NKAIN2: variants seen among roughly 807,000 people sequenced by gnomAD.
NKAIN2 encodes sodium/potassium transporting ATPase interacting 2.
A neutral mutation model predicts 32.6 loss-of-function variants in NKAIN2; 14 were observed. That is an observed-to-expected ratio of 0.43 (90% CI 0.28 to 0.67). The LOEUF is 0.67. Among genes scored for constraint, NKAIN2 ranks in the 30% least tolerant of loss-of-function variants. The pLI, the probability that NKAIN2 is intolerant of heterozygous loss-of-function variation, is 0.17. For synonymous variants in NKAIN2, 80 were observed against 87.2 expected, an observed-to-expected ratio of 0.92 and a Z score of 0.46; for missense variants, 198 against 258.3, an observed-to-expected ratio of 0.77 and a Z score of 1.60.
chr6:124,725,675 C>T (rs1425284603), intron 4 of NKAIN2, among the ~76,000 whole-genome samples: 1 of 152,138 alleles, frequency 6.6e-6, no homozygotes, highest in East Asian at 1.9e-4. Context: ...CGATATTCCA[C>T]ATAAAAATGA....
intron 1 of NKAIN2, among the ~76,000 whole-genome samples, chr6:124,113,115 C>A (rs1037259775): frequency 6.6e-6 from 1 of 152,034 alleles, no homozygotes; most frequent in South Asian, 2.1e-4. Context: ...GCACATTAGA[C>A]AAAGCAGACA....
intron 4 of NKAIN2, among the ~76,000 whole-genome samples, chr6:124,713,933 C>A (rs1169882254): frequency 6.6e-6 from 1 of 152,174 alleles, no homozygotes; most frequent in East Asian, 1.9e-4. Context: ...TAGTTTTTAT[C>A]TCCAAGAAGT....
intron 1 of NKAIN2, among the ~76,000 whole-genome samples, chr6:123,893,974 T>G (rs1451804915): frequency 6.6e-6 from 1 of 152,216 alleles, no homozygotes; most frequent in East Asian, 1.9e-4. Flanking sequence ...GAATTTAGGT[T>G]CATTTATCTT....
intron 1 of NKAIN2, among the ~76,000 whole-genome samples, chr6:124,225,398 T>C (rs1792052804): frequency 6.6e-6 from 1 of 152,050 alleles, no homozygotes. Flanking sequence ...AATGCTTCTT[T>C]CCTACTTGAC....
At chr6:124,525,412 G>A (rs368431254) in intron 3 of NKAIN2, among the ~76,000 whole-genome samples, 2 of 152,146 alleles carry the variant, frequency 1.3e-5, no homozygotes, top group South Asian at 2.1e-4. Flanking sequence ...TTCATGTAAC[G>A]TAATGAAGAC....
intron 4 of NKAIN2, among the ~76,000 whole-genome samples, chr6:124,726,184 C>T (rs924760116): frequency 5.3e-5 from 8 of 152,234 alleles, no homozygotes; most frequent in South Asian, 2.1e-4. Flanking sequence ...AGCCAGAAAG[C>T]TCCAACTGGG....
intron 1 of NKAIN2, among the ~76,000 whole-genome samples, chr6:123,909,441 C>T (rs2114447230): frequency 6.6e-6 from 1 of 152,330 alleles, no homozygotes; most frequent in East Asian, 1.9e-4. Context: ...CAAGGCTCTA[C>T]ACCATCAGTC....
intron 1 of NKAIN2, among the ~76,000 whole-genome samples, chr6:123,934,234 T>C (rs1229914648): frequency 6.6e-6 from 1 of 152,206 alleles, no homozygotes; most frequent in African/African-American, 2.4e-5. Context: ...CTGTCTACTT[T>C]GAGCCCTTGC....
At chr6:124,217,245 G>T (rs753856674) in intron 1 of NKAIN2, among the ~76,000 whole-genome samples, 1 of 152,094 alleles carries the variant, frequency 6.6e-6, no homozygotes, top group African/African-American at 2.4e-5. Flanking sequence ...AGTGAGGTAG[G>T]AAAGTGTTGC....
intron 3 of NKAIN2, among the ~76,000 whole-genome samples, chr6:124,361,289 A>G (rs1007462723): frequency 3.9e-5 from 6 of 152,080 alleles, no homozygotes; most frequent in Non-Finnish European, 8.8e-5. Flanking sequence ...ATTGCATGTG[A>G]TAAAATTATA....
At chr6:124,185,413 C>T (rs1409798290) in intron 1 of NKAIN2, among the ~76,000 whole-genome samples, 1 of 152,122 alleles carries the variant, frequency 6.6e-6, no homozygotes, top group Non-Finnish European at 1.5e-5. Flanking sequence ...AGAAAACCAT[C>T]TCCCACCAAA....
chr6:124,720,453 A>G (rs961484849), intron 4 of NKAIN2, among the ~76,000 whole-genome samples: 2 of 152,248 alleles, frequency 1.3e-5, no homozygotes, highest in African/African-American at 4.8e-5. Flanking sequence ...TATTTGCACG[A>G]TTTAAATGAT....
intron 1 of NKAIN2, among the ~76,000 whole-genome samples, chr6:124,237,402 G>C (rs957916782): frequency 6.6e-6 from 1 of 152,142 alleles, no homozygotes; most frequent in Non-Finnish European, 1.5e-5. Context: ...GCCTGAAACA[G>C]AGGATCTGGA....
intron 1 of NKAIN2, among the ~76,000 whole-genome samples, chr6:124,028,476 G>A (rs1455417704): frequency 6.6e-6 from 1 of 151,092 alleles, no homozygotes; most frequent in Non-Finnish European, 1.5e-5. Flanking sequence ...CACCAGCATG[G>A]CACATGTATG....
At chr6:124,507,547 T>C (rs1196501559) in intron 3 of NKAIN2, among the ~76,000 whole-genome samples, 1 of 152,208 alleles carries the variant, frequency 6.6e-6, no homozygotes, top group Admixed American at 6.5e-5. Flanking sequence ...AACATTTCTC[T>C]CTATCACAAC....
At chr6:124,229,925 G>A (rs960810109) in intron 1 of NKAIN2, among the ~76,000 whole-genome samples, 6 of 152,102 alleles carry the variant, frequency 3.9e-5, no homozygotes, top group Non-Finnish European at 7.3e-5. Context: ...GTACCAGTAG[G>A]GTGGGGCATT....
intron 3 of NKAIN2, among the ~76,000 whole-genome samples, chr6:124,497,787 A>C (rs2114739532): frequency 6.8e-6 from 1 of 146,996 alleles, no homozygotes; most frequent in African/African-American, 2.5e-5. Context: ...TACTTTTTCA[A>C]ATTTCACAGT....
chr6:124,421,411 T>C, intron 3 of NKAIN2, among the ~76,000 whole-genome samples: 1 of 152,180 alleles, frequency 6.6e-6, no homozygotes, highest in South Asian at 2.1e-4. Flanking sequence ...AACCTATCCA[T>C]ATGAAAGCAT....
intron 1 of NKAIN2, among the ~76,000 whole-genome samples, chr6:124,157,501 A>G (rs1788053192): frequency 6.6e-6 from 1 of 152,172 alleles, no homozygotes; most frequent in African/African-American, 2.4e-5. Flanking sequence ...TTGTTTTCAC[A>G]TTGACCTGGG....
Sources: gnomAD v4.1 joint callset for allele counts (sites outside exome capture counted in the v4.1 genomes callset) on GRCh38, gnomAD v4.1.1 for gene constraint, MANE v1.5 for transcripts, NCBI Gene and HGNC (gene_info 2026-07-23, HGNC 2026-07-21) for gene names.